The following ABLIM1 variants were observed in gnomAD, a reference collection of about 807,000 sequenced individuals.
ABLIM1 encodes actin binding LIM protein 1.
Under a neutral mutation model 107.0 loss-of-function variants are expected in ABLIM1, and 40 were observed. That is an observed-to-expected ratio of 0.37 (90% CI 0.29 to 0.49). The LOEUF is 0.49. Ranked by LOEUF, ABLIM1 falls within the 20% of genes least tolerant of loss-of-function variation. ABLIM1 has a pLI of 0.97. For missense variants in ABLIM1, 857 were observed against 1,008.5 expected, an observed-to-expected ratio of 0.85 and a Z score of 2.04; for synonymous variants, 357 against 357.3, an observed-to-expected ratio of 1.00 and a Z score of 0.01.
At chr10:114,479,484 C>G (rs1590197124) in intron 8 of ABLIM1, among the ~76,000 whole-genome samples, 1 of 152,328 alleles carries the variant, frequency 6.6e-6, no homozygotes, top group Non-Finnish European at 1.5e-5. Flanking sequence ...CTTGAGAACT[C>G]TGTGAAGTGA....
intron 1 of ABLIM1, among the ~76,000 whole-genome samples, chr10:114,755,333 CT>C (rs758734751): frequency 2.6e-5 from 4 of 152,222 alleles, no homozygotes; most frequent in Non-Finnish European, 5.9e-5. Context: ...GAAAAACTGT[CT>C]TCCACGAAAC....
intron 1 of ABLIM1, among the ~76,000 whole-genome samples, chr10:114,750,560 C>T (rs2082488756): frequency 6.6e-6 from 1 of 152,138 alleles, no homozygotes; most frequent in Non-Finnish European, 1.5e-5. Context: ...TCATAACCTC[C>T]AAAAGCAAAC....
At chr10:114,766,705 A>G (rs910806297) in intron 1 of ABLIM1, among the ~76,000 whole-genome samples, 5 of 152,192 alleles carry the variant, frequency 3.3e-5, no homozygotes, top group Non-Finnish European at 5.9e-5. Flanking sequence ...ACAACTTATA[A>G]GAGATATTCT....
chr10:114,726,610 G>C (rs138757177), intron 1 of ABLIM1, among the ~76,000 whole-genome samples: 1 of 151,870 alleles, frequency 6.6e-6, no homozygotes, highest in East Asian at 1.9e-4. Flanking sequence ...GTGAAACCCC[G>C]TCTCCACTAA....
chr10:114,576,421 C>G (rs899649666), intron 2 of ABLIM1, among the ~76,000 whole-genome samples: 2 of 152,220 alleles, frequency 1.3e-5, no homozygotes, highest in African/African-American at 4.8e-5. Flanking sequence ...AGCTGGAAAT[C>G]TCTGACCCTA....
intron 1 of ABLIM1, among the ~76,000 whole-genome samples, chr10:114,677,985 A>G (rs1418546492): frequency 1.3e-5 from 2 of 152,148 alleles, no homozygotes; most frequent in African/African-American, 4.8e-5. Flanking sequence ...ATAGAAAAAT[A>G]CTCACTTGAA....
chr10:114,496,889 G>T (rs777810753), intron 6 of ABLIM1, among the ~76,000 whole-genome samples: 1 of 152,188 alleles, frequency 6.6e-6, no homozygotes, highest in South Asian at 2.1e-4. Context: ...GCCCTCCTTC[G>T]CATGTGTGAG....
intron 1 of ABLIM1, among the ~76,000 whole-genome samples, chr10:114,640,972 C>A (rs2078720212): frequency 6.6e-6 from 1 of 151,764 alleles, no homozygotes; most frequent in Non-Finnish European, 1.5e-5. Context: ...GTGTTCTATC[C>A]CAAAAGAAAG....
At chr10:114,608,337 C>T (rs2076565072) in intron 1 of ABLIM1, among the ~76,000 whole-genome samples, 1 of 152,014 alleles carries the variant, frequency 6.6e-6, no homozygotes, top group Non-Finnish European at 1.5e-5. Flanking sequence ...GCACTCCAGC[C>T]TGGGAGACAA....
chr10:114,784,801 G>A, the ABLIM1 span, among the ~76,000 whole-genome samples: 2 of 151,938 alleles, frequency 1.3e-5, no homozygotes, highest in Admixed American at 6.6e-5. Context: ...AAGTGGAGAG[G>A]GTAGAATCTG....
chr10:114,503,862 G>T (rs1281965025), intron 6 of ABLIM1, among the ~76,000 whole-genome samples: 1 of 152,186 alleles, frequency 6.6e-6, no homozygotes, highest in African/African-American at 2.4e-5. Context: ...GAGTGCCACT[G>T]AACAATTTTC....
At chr10:114,576,238 T>C (rs144178552) in intron 2 of ABLIM1, among the ~76,000 whole-genome samples, 2 of 152,226 alleles carry the variant, frequency 1.3e-5, no homozygotes, top group Admixed American at 1.3e-4. Flanking sequence ...TCCTTCCGAC[T>C]GTGCAGCTGT....
chr10:114,508,696 C>A (rs1278198979), intron 6 of ABLIM1, among the ~76,000 whole-genome samples: 1 of 152,098 alleles, frequency 6.6e-6, no homozygotes, highest in South Asian at 2.1e-4. Context: ...CTTTACGTTC[C>A]CACAAAAATA....
At chr10:114,482,138 G>A (rs907531671) in intron 8 of ABLIM1, among the ~76,000 whole-genome samples, 3 of 152,166 alleles carry the variant, frequency 2.0e-5, no homozygotes, top group Non-Finnish European at 4.4e-5. Context: ...GGAATACCAT[G>A]TGCTTTGTGT....
At position 114,601,850 on chromosome 10, in the gene ABLIM1, T is replaced by C; in HGVS notation, c.356A>G (p.His119Arg). 1.9e-6 allele frequency: 3 copies of C among 1,614,176 alleles called. No homozygotes were observed. The highest frequency in any genetic ancestry group is 2.5e-6 in the Non-Finnish European group (3 of 1,180,030). Reference protein sequence around the residue: ...EVLRVQTKHFHIKCFTCKVCG... With the variant: ...EVLRVQTKHFRIKCFTCKVCG... ...ACCTTTGCAGGTGAAACACTTGATG[T>C]GGAAATGTTTGGTCTGGACCCGAAG... Residue 119 changes from histidine to arginine, a missense_variant, in exon 2 of 23, where the codon CAC (histidine) becomes CGC (arginine). By Grantham distance (29) the His-to-Arg change is conservative. Transcript: ENST00000533213.
intron 1 of ABLIM1, among the ~76,000 whole-genome samples, chr10:114,715,871 A>G (rs546525380): frequency 2.0e-5 from 3 of 152,354 alleles, no homozygotes; most frequent in African/African-American, 4.8e-5. Context: ...TTGCATAAGG[A>G]AAATGTTACT....
chr10:114,690,614 G>T lies in ABLIM1; in HGVS notation c.-213+77447C>A. 5.0e-6 allele frequency: 4 copies of T among 792,806 alleles called. No individual in the cohort carries two copies. The Admixed American group carries it at 7.0e-5, about 14-fold the overall frequency. 49.1% of individuals were successfully genotyped at this position (792,806 alleles called of 1,614,324 possible). On this transcript the variant is annotated intron_variant, in intron 1 of 15. Transcript: ENST00000651092. ...CCAAGGGCTCACCATTGATGGCAAT[G>T]TTGAAGAACACCGTGGGATTGACTA...
intron 21 of ABLIM1, among the ~76,000 whole-genome samples, chr10:114,438,910 ACATGG>A (rs1342794327): frequency 6.6e-6 from 1 of 152,220 alleles, no homozygotes; most frequent in African/African-American, 2.4e-5. Flanking sequence ...TCTGTAATGC[ACATGG>A]CAGAGGCCAA....
chr10:114,719,535 A>T (rs1353496144), intron 1 of ABLIM1, among the ~76,000 whole-genome samples: 1 of 152,244 alleles, frequency 6.6e-6, no homozygotes, highest in South Asian at 2.1e-4. Flanking sequence ...TTTGGGAAAG[A>T]TTCGTGACCT....
Sources: allele counts gnomAD v4.1 joint callset (sites outside exome capture counted in the v4.1 genomes callset), GRCh38; gene constraint gnomAD v4.1.1; transcripts MANE v1.5; gene names NCBI Gene and HGNC (gene_info 2026-07-23, HGNC 2026-07-21).